The following MACROD1 variants were observed in gnomAD, a reference collection of about 807,000 sequenced individuals.
MACROD1 encodes ADP-ribose glycohydrolase MACROD1.
MACROD1 carries 31 observed loss-of-function variants against 41.4 expected under a neutral mutation model. The observed-to-expected ratio is 0.75, with a 90% CI of 0.56 to 1.01. The LOEUF is 1.01. Among genes scored for constraint, MACROD1 ranks in the 50% least tolerant of loss-of-function variants. The probability of loss-of-function intolerance (pLI) is 0.00; values close to 1 mark genes in which losing one functional copy is unlikely to be tolerated. For synonymous variants in MACROD1, 252 were observed against 203.4 expected (o/e 1.24, Z -2.03); for missense variants, 473 against 460.0 (o/e 1.03, Z -0.26).
At chr11:64,105,626 T>C (rs1199126184) in intron 3 of MACROD1, among the ~76,000 whole-genome samples, 2 of 152,062 alleles carry the variant, frequency 1.3e-5, no homozygotes. Flanking sequence ...CCCACAGGCA[T>C]GAGTGACCCC....
intron 3 of MACROD1, among the ~76,000 whole-genome samples, chr11:64,070,658 G>T (rs1041159040): frequency 1.3e-5 from 2 of 152,182 alleles, no homozygotes; most frequent in African/African-American, 4.8e-5. Flanking sequence ...GGCCTCAGGG[G>T]CCTCCCAGCT....
intron 3 of MACROD1, among the ~76,000 whole-genome samples, chr11:64,099,403 CAG>C (rs1432211038): frequency 6.6e-6 from 1 of 152,136 alleles, no homozygotes; most frequent in Non-Finnish European, 1.5e-5. Flanking sequence ...TGATTAGACT[CAG>C]AATATGTTTG....
At chr11:64,119,394 G>A (rs1342061627) in intron 3 of MACROD1, among the ~76,000 whole-genome samples, 1 of 152,158 alleles carries the variant, frequency 6.6e-6, no homozygotes, top group Non-Finnish European at 1.5e-5. Context: ...ACAGATAAAA[G>A]CTTTATTTGA....
chr11:64,003,814 T>A (rs1942865542), intron 4 of MACROD1, among the ~76,000 whole-genome samples: 1 of 152,160 alleles, frequency 6.6e-6, no homozygotes, highest in Non-Finnish European at 1.5e-5. Flanking sequence ...CTGTCCACGC[T>A]CTTGGGGAGG....
intron 3 of MACROD1, among the ~76,000 whole-genome samples, chr11:64,104,366 T>C (rs1944721925): frequency 6.6e-6 from 1 of 152,102 alleles, no homozygotes; most frequent in South Asian, 2.1e-4. Context: ...TTCATGCAGC[T>C]GGCAGCTTCT....
At chr11:64,039,490 G>A (rs1201857575) in intron 3 of MACROD1, among the ~76,000 whole-genome samples, 1 of 151,886 alleles carries the variant, frequency 6.6e-6, no homozygotes, top group African/African-American at 2.4e-5. Context: ...GGCCCACGAG[G>A]CAGCTGCATT....
intron 3 of MACROD1, among the ~76,000 whole-genome samples, chr11:64,072,008 G>A (rs867770307): frequency 6.6e-6 from 1 of 152,236 alleles, no homozygotes; most frequent in East Asian, 1.9e-4. Context: ...CCAGCAGGTC[G>A]ATAGCAAAAC....
At chr11:64,002,348 C>A (rs1176053946) in intron 4 of MACROD1, among the ~76,000 whole-genome samples, 7 of 152,196 alleles carry the variant, frequency 4.6e-5, no homozygotes, top group Non-Finnish European at 1.0e-4. Flanking sequence ...CGGAAGTGGA[C>A]TGGCCTGCAG....
At chr11:64,153,170 C>A (rs1945610504) in intron 1 of MACROD1, among the ~76,000 whole-genome samples, 1 of 152,102 alleles carries the variant, frequency 6.6e-6, no homozygotes, top group African/African-American at 2.4e-5. Context: ...TGGCACCAGG[C>A]ACAGAAACCT....
intron 3 of MACROD1, among the ~76,000 whole-genome samples, chr11:64,115,381 C>CTTTT (rs111536886): frequency 6.9e-6 from 1 of 145,982 alleles, no homozygotes. Context: ...AAACAGACCA[C>CTTTT]TTTTTTTTTT....
At chr11:64,133,890 G>A (rs1565253208) in intron 3 of MACROD1, among the ~76,000 whole-genome samples, 1 of 152,248 alleles carries the variant, frequency 6.6e-6, no homozygotes, top group Admixed American at 6.5e-5. Flanking sequence ...CCAGGTCTGG[G>A]GAAGTTCCTG....
At chr11:64,037,124 T>TA (rs1943396933) in intron 3 of MACROD1, among the ~76,000 whole-genome samples, 1 of 151,966 alleles carries the variant, frequency 6.6e-6, no homozygotes, top group Non-Finnish European at 1.5e-5. Flanking sequence ...TGTGAATAAA[T>TA]ACAGCCAAGG....
chr11:64,014,247 C>A (rs1943051787), intron 4 of MACROD1, among the ~76,000 whole-genome samples: 1 of 152,108 alleles, frequency 6.6e-6, no homozygotes. Context: ...TTTTCAGGAC[C>A]ACAGTCCCCG....
intron 3 of MACROD1, among the ~76,000 whole-genome samples, chr11:64,107,631 C>T (rs1049160229): frequency 2.6e-5 from 4 of 152,332 alleles, no homozygotes; most frequent in African/African-American, 7.2e-5. Flanking sequence ...TAAAAGAATT[C>T]CCGCCCCAGC....
intron 1 of MACROD1, among the ~76,000 whole-genome samples, chr11:64,161,495 A>G (rs1473179101): frequency 6.6e-6 from 1 of 152,228 alleles, no homozygotes; most frequent in Non-Finnish European, 1.5e-5. Context: ...GCAGCACTTG[A>G]CTGTCAAATG....
In MACROD1 at chr11:64,064,547, C is replaced by T. The variant is rs974283796; in HGVS notation, c.518-49266G>A. ...ACGTATGTGCCTGGCATGGTCCTTG[C>T]CTGAGTCCTGCCTGCTGGCTGACAC... On this transcript the variant is annotated intron_variant, in intron 3 of 10. Coordinates refer to ENST00000255681, the MANE Select transcript of MACROD1 (RefSeq NM_014067.4). The surrounding 1 kb of genome is among the most constrained non-coding windows in gnomAD (Gnocchi z 4.5). Among the ~76,000 whole-genome samples the T allele has an allele frequency of 3.9e-5, 6 of 152,096 alleles. No individual in the cohort carries two copies. Among genetic ancestry groups the T allele is most frequent in the African/African-American group, 1.2e-4 (5 of 41,432 alleles).
At chr11:64,042,713 G>A (rs1393359226) in intron 3 of MACROD1, among the ~76,000 whole-genome samples, 1 of 152,188 alleles carries the variant, frequency 6.6e-6, no homozygotes, top group Admixed American at 6.5e-5. Context: ...TCACAGTGGG[G>A]TGCTTCATGC....
At chr11:64,116,225 A>G in intron 3 of MACROD1, 1 of 1,562,162 alleles carries the variant, frequency 6.4e-7, no homozygotes, top group Non-Finnish European at 8.6e-7. Context: ...GCAGGTATTC[A>G]GGCTCCAGGC....
intron 3 of MACROD1, among the ~76,000 whole-genome samples, chr11:64,102,412 C>T (rs1002374548): frequency 3.9e-5 from 6 of 152,154 alleles, no homozygotes; most frequent in South Asian, 2.1e-4. Context: ...GCCAGAAACA[C>T]GGAGACCCAA....
Sources: allele counts gnomAD v4.1 joint callset (sites outside exome capture counted in the v4.1 genomes callset), GRCh38; gene constraint gnomAD v4.1.1; non-coding constraint Gnocchi (gnomAD v3.1); transcripts MANE v1.5; gene names NCBI Gene and HGNC (gene_info 2026-07-23, HGNC 2026-07-21).